The following BAIAP2 variants were observed in gnomAD, a reference collection of about 807,000 sequenced individuals.
The protein encoded by BAIAP2 is BAR/IMD domain-containing adapter protein 2.
A neutral mutation model predicts 63.0 loss-of-function variants in BAIAP2; 18 were observed. The ratio of observed to expected loss-of-function variants is 0.29; its 90% CI spans 0.20 to 0.42. The LOEUF (loss-of-function observed/expected upper bound fraction) is 0.42, where lower values mean the gene tolerates loss of function less well. Among genes scored for constraint, BAIAP2 ranks in the 10% least tolerant of loss-of-function variants. The pLI is 1.00. For missense variants in BAIAP2, 610 were observed against 734.3 expected (o/e 0.83, Z 1.96); for synonymous variants, 386 against 307.6 (o/e 1.25, Z -2.67).
chr17:81,075,918 T>C (rs954543896), intron 3 of BAIAP2, among the ~76,000 whole-genome samples: 1 of 150,982 alleles, frequency 6.6e-6, no homozygotes, highest in South Asian at 2.1e-4. Flanking sequence ...TGTGTATACT[T>C]TTTTGGGTCT....
At chr17:81,062,842 C>T (rs981302861) in intron 3 of BAIAP2, among the ~76,000 whole-genome samples, 4 of 151,846 alleles carry the variant, frequency 2.6e-5, no homozygotes, top group Non-Finnish European at 5.9e-5. Flanking sequence ...GGCCTCACAC[C>T]GTCGTCTTCC....
At chr17:81,036,647 T>C (rs61148130) in intron 1 of BAIAP2, among the ~76,000 whole-genome samples, 3 of 152,216 alleles carry the variant, frequency 2.0e-5, no homozygotes, top group Non-Finnish European at 4.4e-5. Context: ...AGATGAGTCC[T>C]AAAGCCACGT....
At chr17:81,094,559 A>C (rs949252705) in intron 6 of BAIAP2, among the ~76,000 whole-genome samples, 1 of 152,052 alleles carries the variant, frequency 6.6e-6, no homozygotes, top group African/African-American at 2.4e-5. Flanking sequence ...GGTGCGGCTT[A>C]CCCTCTGCTC....
At chr17:81,078,646 G>A (rs527667290) in intron 3 of BAIAP2, among the ~76,000 whole-genome samples, 29 of 151,596 alleles carry the variant, frequency 1.9e-4, no homozygotes, top group African/African-American at 6.1e-4. Context: ...TGCCATCTCC[G>A]AGCTGGGTGC....
intron 6 of BAIAP2, among the ~76,000 whole-genome samples, chr17:81,093,978 C>T (rs1384144599): frequency 7.0e-6 from 1 of 143,188 alleles, no homozygotes; most frequent in African/African-American, 2.5e-5. Flanking sequence ...CCATGTTTCT[C>T]TGGAGTAACA....
intron 1 of BAIAP2, among the ~76,000 whole-genome samples, chr17:81,044,609 C>G (rs545029328): frequency 2.0e-5 from 3 of 152,224 alleles, no homozygotes; most frequent in Non-Finnish European, 4.4e-5. Context: ...ACAGTTCAGC[C>G]GTGACACCCA....
Position 81,038,750 on chromosome 17 carries a change from C to T in BAIAP2, c.54+3442C>T, listed in dbSNP as rs767682959. On this transcript the variant is annotated intron_variant, in intron 1 of 13. Transcript: ENST00000428708. ...CTTTTCTGCTCCGTGCCCGGCTGCC[C>T]GGGCCTGGCTGTTCCTCTCTGCCAC... Among the ~76,000 whole-genome samples, 76 of 152,336 alleles carry T rather than the reference C, an allele frequency of 5.0e-4. 1 individual carries two copies. The highest frequency in any genetic ancestry group is 2.9e-3 in the Admixed American group (45 of 15,304).
chr17:81,037,149 G>C (rs1387518114), intron 1 of BAIAP2, among the ~76,000 whole-genome samples: 1 of 152,260 alleles, frequency 6.6e-6, no homozygotes, highest in East Asian at 1.9e-4. Flanking sequence ...TGTGGACGCA[G>C]ACCAGCTGGT....
intron 3 of BAIAP2, among the ~76,000 whole-genome samples, chr17:81,068,214 TG>T (rs1363024981): frequency 6.6e-6 from 1 of 152,188 alleles, no homozygotes; most frequent in African/African-American, 2.4e-5. Context: ...GTTTGCATCT[TG>T]TAGGGTTTGG....
intron 6 of BAIAP2, among the ~76,000 whole-genome samples, chr17:81,098,811 C>T (rs894706979): frequency 2.0e-5 from 3 of 152,226 alleles, no homozygotes; most frequent in Non-Finnish European, 2.9e-5. Context: ...GGCTGCCGAG[C>T]GGCTGACCGC....
At chr17:81,114,050 G>C (rs781155676) in intron 13 of BAIAP2, among the ~76,000 whole-genome samples, 1 of 143,610 alleles carries the variant, frequency 7.0e-6, no homozygotes, top group Admixed American at 7.3e-5. Flanking sequence ...CTACTGCCTC[G>C]CCCTCCTGGG....
chr17:81,084,725 C>T (rs2055268778), intron 3 of BAIAP2, 107 bp from the exon 4 acceptor site: 1 of 1,101,836 alleles, frequency 9.1e-7, no homozygotes, highest in Admixed American at 1.7e-5. Context: ...GCCCTGCTGC[C>T]TGTGGTCACA....
At chr17:81,104,736 G>A (rs1293976662) in intron 10 of BAIAP2, 21 bp downstream of exon 10, 4 of 1,545,146 alleles carry the variant, frequency 2.6e-6, no homozygotes, top group Non-Finnish European at 2.6e-6. Context: ...CTCGGGGGCG[G>A]GCTCCAGGCA....
chr17:81,106,020 G>A, intron 10 of BAIAP2, 58 bp from the exon 11 acceptor site: 1 of 1,481,392 alleles, frequency 6.8e-7, no homozygotes, highest in Non-Finnish European at 9.2e-7. Context: ...ATGGTGGTCG[G>A]TGGGGGATGG....
At chr17:81,104,819 G>A (rs1236607890) in intron 10 of BAIAP2, 104 bp downstream of exon 10, 19 of 1,271,414 alleles carry the variant, frequency 1.5e-5, no homozygotes, top group Non-Finnish European at 2.1e-5. Flanking sequence ...GAGTGGCTGT[G>A]CAGGTTGCGG....
intron 1 of BAIAP2, among the ~76,000 whole-genome samples, chr17:81,050,074 G>C (rs1015727231): frequency 2.0e-5 from 3 of 152,246 alleles, no homozygotes; most frequent in African/African-American, 7.2e-5. Context: ...CTGGGAGAGG[G>C]AGGAACCCGG....
chr17:81,105,663 C>T (rs775735264), intron 10 of BAIAP2: 8 of 187,828 alleles, frequency 4.3e-5, no homozygotes, highest in Non-Finnish European at 9.0e-5. Context: ...CTAAGCTTGG[C>T]CTTGCAGCCA....
At chr17:81,038,965 C>T (rs557561989) in intron 1 of BAIAP2, among the ~76,000 whole-genome samples, 3 of 152,326 alleles carry the variant, frequency 2.0e-5, no homozygotes, top group South Asian at 2.1e-4. Context: ...CAGCTCCGTG[C>T]GCGTGTACAT....
At chr17:81,085,579 C>A in intron 4 of BAIAP2, 75 bp from the exon 5 acceptor site, 1 of 1,318,078 alleles carries the variant, frequency 7.6e-7, no homozygotes, top group Non-Finnish European at 1.1e-6. Context: ...CCCATCCGCT[C>A]TAGCCCTGCC....
Sources: gnomAD v4.1 joint callset for allele counts (sites outside exome capture counted in the v4.1 genomes callset) on GRCh38, gnomAD v4.1.1 for gene constraint, MANE v1.5 for transcripts, NCBI Gene and HGNC (gene_info 2026-07-23, HGNC 2026-07-21) for gene names.